The following RPH3A variants were observed in gnomAD, a reference collection of about 807,000 sequenced individuals.
RPH3A encodes rabphilin 3A, also known as rabphilin-3A.
In RPH3A, 48 loss-of-function variants were observed where a neutral mutation model predicts 102.2. That is an observed-to-expected ratio of 0.47 (90% CI 0.37 to 0.60). RPH3A has a LOEUF of 0.60. RPH3A is among the 20% of genes least tolerant of loss of function. The pLI is 0.00. For synonymous variants in RPH3A, 310 were observed against 324.3 expected, an observed-to-expected ratio of 0.96 and a Z score of 0.47; for missense variants, 781 against 910.1, an observed-to-expected ratio of 0.86 and a Z score of 1.83.
At position 112,833,728 on chromosome 12, in the gene RPH3A, A is replaced by AT. The variant is rs1305966184; in HGVS notation, c.72-2762dup. 3.8e-5 allele frequency among the ~76,000 whole-genome samples: 5 copies of AT among 131,084 alleles called. No individual in the cohort carries two copies. The East Asian group carries it at 9.9e-4, about 26-fold the overall frequency. The allele number at this position is 131,084 out of a possible 152,430, so 86.0% of individuals were successfully genotyped here. A position where few individuals can be genotyped will look rare whatever the true frequency, so the allele number is the denominator to read the frequency against. ...ATTTAAAGCACAGTTTGATAATTTC[A>AT]TGTTTTTTTTTTTTTTTTAAAGACA... On this transcript the variant is annotated intron_variant, in intron 3 of 21. Coordinates refer to ENST00000389385, the MANE Select transcript of RPH3A (RefSeq NM_001143854.2).
intron 1 of RPH3A, among the ~76,000 whole-genome samples, chr12:112,705,443 C>T (rs1335412182): frequency 6.6e-6 from 1 of 152,088 alleles, no homozygotes; most frequent in Non-Finnish European, 1.5e-5. Context: ...TAAGGAAATT[C>T]AGAAGAAGGA....
intron 2 of RPH3A, among the ~76,000 whole-genome samples, chr12:112,797,008 C>A (rs2041245478): frequency 6.6e-6 from 1 of 152,120 alleles, no homozygotes. Flanking sequence ...CGAGATCACA[C>A]CACTGCACTC....
At chr12:112,805,107 A>T (rs1802395158) in intron 2 of RPH3A, among the ~76,000 whole-genome samples, 2 of 152,240 alleles carry the variant, frequency 1.3e-5, no homozygotes, top group Non-Finnish European at 2.9e-5. Context: ...TATATTTTTT[A>T]AAAATAAAAC....
intron 1 of RPH3A, among the ~76,000 whole-genome samples, chr12:112,637,021 C>T (rs970133236): frequency 3.3e-5 from 5 of 152,134 alleles, no homozygotes; most frequent in Non-Finnish European, 7.4e-5. Flanking sequence ...AATGTAAATC[C>T]CTTCTAGCCC....
intron 1 of RPH3A, among the ~76,000 whole-genome samples, chr12:112,773,527 T>G (rs560651248): frequency 1.3e-5 from 2 of 152,332 alleles, no homozygotes; most frequent in South Asian, 4.1e-4. Flanking sequence ...ATAGAGAGAT[T>G]AAATTAGTTT....
At chr12:112,737,420 G>A in intron 1 of RPH3A, among the ~76,000 whole-genome samples, 1 of 152,174 alleles carries the variant, frequency 6.6e-6, no homozygotes, top group Non-Finnish European at 1.5e-5. Flanking sequence ...ACAACACATA[G>A]TAAGACTCTA....
intron 19 of RPH3A, 51 bp downstream of exon 19, chr12:112,891,054 C>T (rs776254049): frequency 4.4e-6 from 7 of 1,598,880 alleles, no homozygotes; most frequent in Non-Finnish European, 5.1e-6. Flanking sequence ...GTCCTGGAGC[C>T]TTGGAAAAGG....
At chr12:112,678,957 A>G (rs1170377035) in intron 1 of RPH3A, among the ~76,000 whole-genome samples, 1 of 151,962 alleles carries the variant, frequency 6.6e-6, no homozygotes, top group Non-Finnish European at 1.5e-5. Flanking sequence ...TTCTGTCTCT[A>G]TCCTTGGGCT....
Position 112,890,809 on chromosome 12 carries a change from C to T in RPH3A, c.1621-40C>T, listed in dbSNP as rs1473319597. ...CTCGCCATTCACATTTCCTGGCCCC[C>T]TCCCCTCCAAGGCCCACACTGCCTT... is the stretch of plus-strand genomic sequence containing the variant. On this transcript the variant is annotated intron_variant, in intron 18 of 21. Transcript: ENST00000389385. The T allele has an allele frequency of 5.0e-6, 8 of 1,601,456 alleles. No homozygotes were observed. The East Asian group carries it at 9.0e-5, about 18-fold the overall frequency.
At chr12:112,765,145 G>T (rs1310651688) in intron 1 of RPH3A, among the ~76,000 whole-genome samples, 1 of 152,088 alleles carries the variant, frequency 6.6e-6, no homozygotes, top group African/African-American at 2.4e-5. Flanking sequence ...CTGCGTGTCT[G>T]CATGGTCCCA....
chr12:112,817,370 G>A (rs550935394), intron 2 of RPH3A, among the ~76,000 whole-genome samples: 15 of 151,792 alleles, frequency 9.9e-5, no homozygotes, highest in African/African-American at 2.9e-4. Context: ...TTCCCCATCC[G>A]TTCCTCCATC....
chr12:112,663,313 G>A (rs974439475), intron 1 of RPH3A, among the ~76,000 whole-genome samples: 3 of 151,940 alleles, frequency 2.0e-5, no homozygotes, highest in Non-Finnish European at 4.4e-5. Context: ...GGGCTTAAGC[G>A]ATCCTCCCAC....
At chr12:112,870,778 G>A (rs1009847744) in intron 10 of RPH3A, among the ~76,000 whole-genome samples, 3 of 152,030 alleles carry the variant, frequency 2.0e-5, no homozygotes, top group Non-Finnish European at 4.4e-5. Flanking sequence ...AACAGAGCTG[G>A]GCACGTACCT....
At chr12:112,834,283 C>A (rs1033249323) in intron 3 of RPH3A, among the ~76,000 whole-genome samples, 1 of 152,114 alleles carries the variant, frequency 6.6e-6, no homozygotes, top group Non-Finnish European at 1.5e-5. Flanking sequence ...ATTTTGAGAT[C>A]CAATCATATT....
At chr12:112,624,298 T>C (rs1319566322) in intron 1 of RPH3A, among the ~76,000 whole-genome samples, 3 of 151,068 alleles carry the variant, frequency 2.0e-5, no homozygotes, top group African/African-American at 2.4e-5. Flanking sequence ...ATCAACAAAA[T>C]TGATAGACCG....
At chr12:112,818,431 T>C (rs2041718883) in intron 2 of RPH3A, among the ~76,000 whole-genome samples, 1 of 150,856 alleles carries the variant, frequency 6.6e-6, no homozygotes, top group Non-Finnish European at 1.5e-5. Context: ...AACAGCATCA[T>C]CAGGAATCAG....
intron 1 of RPH3A, among the ~76,000 whole-genome samples, chr12:112,763,186 T>C (rs1187048004): frequency 6.6e-6 from 1 of 152,238 alleles, no homozygotes; most frequent in Non-Finnish European, 1.5e-5. Context: ...ATTATTAGTG[T>C]TGGGCTCTGG....
At chr12:112,875,824 C>G in intron 12 of RPH3A, 83 bp downstream of exon 12, 1 of 1,275,204 alleles carries the variant, frequency 7.8e-7, no homozygotes, top group Admixed American at 1.8e-5. Context: ...GCTGCCAGAA[C>G]GTGACTCAGC....
At chr12:112,643,993 A>C (rs993972706) in intron 1 of RPH3A, among the ~76,000 whole-genome samples, 1 of 152,252 alleles carries the variant, frequency 6.6e-6, no homozygotes, top group African/African-American at 2.4e-5. Flanking sequence ...TGTCTTCTGC[A>C]GCAATGTGGA....
Sources: allele counts gnomAD v4.1 joint callset (sites outside exome capture counted in the v4.1 genomes callset), GRCh38; gene constraint gnomAD v4.1.1; transcripts MANE v1.5; gene names NCBI Gene and HGNC (gene_info 2026-07-23, HGNC 2026-07-21).